Variants in GRIP1 observed in about 807,000 individuals in gnomAD.
GRIP1 encodes glutamate receptor interacting protein 1, also known as glutamate receptor-interacting protein 1.
GRIP1 carries 45 observed loss-of-function variants against 129.9 expected under a neutral mutation model. The ratio of observed to expected loss-of-function variants is 0.35; its 90% CI spans 0.27 to 0.44. GRIP1 has a LOEUF of 0.44. GRIP1 is among the 20% of genes least tolerant of loss of function. The pLI, the probability that GRIP1 is intolerant of heterozygous loss-of-function variation, is 1.00. For synonymous variants in GRIP1, 530 were observed against 520.8 expected, an observed-to-expected ratio of 1.02 and a Z score of -0.24; for missense variants, 1,196 against 1,396.8, an observed-to-expected ratio of 0.86 and a Z score of 2.29.
At chr12:67,043,086 A>C (rs945303306) in intron 1 of GRIP1, among the ~76,000 whole-genome samples, 9 of 152,146 alleles carry the variant, frequency 5.9e-5, no homozygotes, top group African/African-American at 7.2e-5. Flanking sequence ...CTGTTCACTG[A>C]CAAAGGCCAA....
In GRIP1 at chr12:66,940,938, T is replaced by C; in HGVS notation, c.58+128112A>G. ...TATAAATTTAATATATTTTATTTAGTAAAATTTTCCATTTCTGATATCAGT... is the reference window on the plus strand; with the variant it reads ...TATAAATTTAATATATTTTATTTAGCAAAATTTTCCATTTCTGATATCAGT... On this transcript the variant is annotated intron_variant, in intron 1 of 1. Transcript: ENST00000643019. Among the ~76,000 whole-genome samples, 2 of 152,262 alleles carry C rather than the reference T, an allele frequency of 1.3e-5. 1 individual carries two copies. Among genetic ancestry groups the C allele is most frequent in the South Asian group, 4.1e-4 (2 of 4,830 alleles).
chr12:66,463,826 C>T (rs1383529919), intron 8 of GRIP1, among the ~76,000 whole-genome samples: 2 of 152,180 alleles, frequency 1.3e-5, no homozygotes, highest in Non-Finnish European at 2.9e-5. Flanking sequence ...CAGTCGTCAG[C>T]ATCCCCACAT....
chr12:66,670,400 G>C (rs546468218), intron 1 of GRIP1, among the ~76,000 whole-genome samples: 1 of 152,296 alleles, frequency 6.6e-6, no homozygotes, highest in Non-Finnish European at 1.5e-5. Flanking sequence ...GGACTGCCAA[G>C]GAGGGCAGAC....
chr12:66,804,231 C>A (rs2038938462), upstream of GRIP1: 4 of 425,546 alleles, frequency 9.4e-6, no homozygotes, highest in African/African-American at 6.1e-5. Flanking sequence ...AAGAGCACAG[C>A]AACAGCCCAG....
At chr12:66,809,034 G>A (rs770564142), upstream of GRIP1, among the ~76,000 whole-genome samples, 121 of 152,236 alleles carry the variant, frequency 7.9e-4, no homozygotes, top group Middle Eastern at 3.4e-3. Flanking sequence ...AGAAAAATTC[G>A]TTCACATGAG....
intron 11 of GRIP1, among the ~76,000 whole-genome samples, chr12:66,451,383 G>GTTGT (rs2058794149): frequency 2.3e-5 from 1 of 42,650 alleles, no homozygotes; most frequent in South Asian, 7.8e-4. Context: ...ATTATAATCT[G>GTTGT]TTTTTTTTTT....
chr12:67,058,217 T>C (rs1366057475), intron 1 of GRIP1, among the ~76,000 whole-genome samples: 1 of 152,238 alleles, frequency 6.6e-6, no homozygotes, highest in Non-Finnish European at 1.5e-5. Context: ...TCATCATTGC[T>C]TTTTTAATGT....
intron 2 of GRIP1, among the ~76,000 whole-genome samples, chr12:66,549,206 C>A (rs902846660): frequency 6.6e-6 from 1 of 152,068 alleles, no homozygotes; most frequent in Admixed American, 6.6e-5. Context: ...GCTGGATGAA[C>A]GAGCACATCA....
intron 2 of GRIP1, among the ~76,000 whole-genome samples, chr12:66,548,369 G>A (rs2062013170): frequency 1.3e-5 from 2 of 152,216 alleles, no homozygotes; most frequent in Admixed American, 1.3e-4. Context: ...CATTCAGCTG[G>A]TGGAAGGGGA....
chr12:66,570,382 T>G (rs1555208711), intron 2 of GRIP1, among the ~76,000 whole-genome samples: 1 of 152,130 alleles, frequency 6.6e-6, no homozygotes, highest in Non-Finnish European at 1.5e-5. Context: ...GTGCTAGGAT[T>G]AGAGAGGCAT....
chr12:66,841,261 C>T (rs1410992594), intron 1 of GRIP1, among the ~76,000 whole-genome samples: 1 of 152,150 alleles, frequency 6.6e-6, no homozygotes, highest in East Asian at 1.9e-4. Flanking sequence ...CTCCTTCTCT[C>T]TTTTCTTGTG....
At chr12:66,784,790 CCTCT>C (rs200187265) in intron 1 of GRIP1, among the ~76,000 whole-genome samples, 1,995 of 152,260 alleles carry the variant, frequency 0.013, 82 homozygotes, top group Admixed American at 0.086. Flanking sequence ...CCTCCAACCT[CCTCT>C]CTGTTATTTT....
At chr12:66,521,823 G>A (rs777842302) in intron 5 of GRIP1, among the ~76,000 whole-genome samples, 6 of 152,186 alleles carry the variant, frequency 3.9e-5, no homozygotes, top group African/African-American at 7.2e-5. Flanking sequence ...CTTTTCCAAC[G>A]GGCTTAAAAA....
At chr12:67,069,017 G>GGC in intron 1 of GRIP1, 1 of 753,896 alleles carries the variant, frequency 1.3e-6, no homozygotes, top group Non-Finnish European at 1.6e-6. Context: ...CCGGACCCCT[G>GGC]CCCTCCCTCC....
At chr12:66,860,719 G>A (rs1368456664) in intron 1 of GRIP1, among the ~76,000 whole-genome samples, 1 of 151,962 alleles carries the variant, frequency 6.6e-6, no homozygotes, top group Non-Finnish European at 1.5e-5. Context: ...AAACTTTAAT[G>A]TGACTATGAA....
intron 5 of GRIP1, among the ~76,000 whole-genome samples, chr12:66,526,761 A>C (rs2061256261): frequency 6.6e-6 from 1 of 152,088 alleles, no homozygotes; most frequent in East Asian, 1.9e-4. Context: ...AATGGGAGAG[A>C]ATTTTTGCAA....
At chr12:66,935,879 G>A (rs777709733) in intron 1 of GRIP1, among the ~76,000 whole-genome samples, 2 of 152,118 alleles carry the variant, frequency 1.3e-5, no homozygotes, top group Non-Finnish European at 2.9e-5. Context: ...ATTGTTAAAG[G>A]TGCATACTAT....
In GRIP1 at chr12:67,023,996, G is replaced by A. The variant is rs546327413; in HGVS notation, c.58+45054C>T. On this transcript the variant is annotated intron_variant, in intron 1 of 1. Transcript: ENST00000643019. ...TTAGCTCCCCCGTTTTCTTGCCACA[G>A]TCAATACCAGGACCTTCCAGCCAGG... Among the ~76,000 whole-genome samples the A allele has an allele frequency of 2.0e-5, 3 of 151,654 alleles. No homozygotes were observed. The East Asian group carries it at 5.8e-4, about 29-fold the overall frequency.
At chr12:66,416,879 G>A (rs1183697753) in intron 15 of GRIP1, among the ~76,000 whole-genome samples, 1 of 151,916 alleles carries the variant, frequency 6.6e-6, no homozygotes, top group Non-Finnish European at 1.5e-5. Flanking sequence ...AATAGAGGAG[G>A]AGGGAATGAT....
Sources: allele counts gnomAD v4.1 joint callset (sites outside exome capture counted in the v4.1 genomes callset), GRCh38; gene constraint gnomAD v4.1.1; transcripts MANE v1.5; gene names NCBI Gene and HGNC (gene_info 2026-07-23, HGNC 2026-07-21).